CCDC91: variants seen among roughly 807,000 people sequenced by gnomAD.
CCDC91 encodes coiled-coil domain containing 91.
Under a neutral mutation model 63.2 loss-of-function variants are expected in CCDC91, and 48 were observed. The observed-to-expected ratio is 0.76, with a 90% CI of 0.60 to 0.97. The LOEUF (loss-of-function observed/expected upper bound fraction) is 0.97. CCDC91 is among the 50% of genes least tolerant of loss of function. CCDC91 has a pLI of 0.00. For missense variants in CCDC91, 500 were observed against 494.6 expected (o/e 1.01, Z -0.10); for synonymous variants, 167 against 165.8 (o/e 1.01, Z -0.06).
chr12:28,194,749 C>T (rs1941597028), intron 1 of CCDC91, among the ~76,000 whole-genome samples: 1 of 151,722 alleles, frequency 6.6e-6, no homozygotes, highest in Non-Finnish European at 1.5e-5. Context: ...TTGTTTGTTC[C>T]TCCCAGTGGG....
At position 28,445,532 on chromosome 12, in the gene CCDC91, G is replaced by C. The variant is rs145490192; in HGVS notation, c.763-4629G>C. On this transcript the variant is annotated intron_variant, in intron 8 of 12. Transcript: ENST00000536442. ...TCCTGCAAAACCCTAGAAAGCTGTGGGAAATACAAGCACTAGGTGCTGTAT... is the reference window on the plus strand; with the variant it reads ...TCCTGCAAAACCCTAGAAAGCTGTGCGAAATACAAGCACTAGGTGCTGTAT... Among the ~76,000 whole-genome samples, 1,171 of 152,244 alleles carry C rather than the reference G, an allele frequency of 7.7e-3. 41 individuals are homozygous for C. The highest frequency in any genetic ancestry group is 0.056 in the Admixed American group (855 of 15,294).
chr12:28,420,081 G>GT (rs1382566509), intron 8 of CCDC91, among the ~76,000 whole-genome samples: 1 of 152,044 alleles, frequency 6.6e-6, no homozygotes, highest in Non-Finnish European at 1.5e-5. Flanking sequence ...GAAAACCACT[G>GT]TAAGATAGAT....
chr12:28,515,849 C>CA (rs1406164406), intron 12 of CCDC91, among the ~76,000 whole-genome samples: 2 of 151,830 alleles, frequency 1.3e-5, no homozygotes, highest in Admixed American at 1.3e-4. Flanking sequence ...GGCCAAGAAG[C>CA]AGAATATTAC....
chr12:28,360,891 T>G (rs1465073568), intron 6 of CCDC91, among the ~76,000 whole-genome samples: 6 of 152,012 alleles, frequency 3.9e-5, no homozygotes, highest in Non-Finnish European at 8.8e-5. Context: ...TCTGGAGAAT[T>G]TTTTGTGTAT....
chr12:28,221,111 C>T (rs774861076), intron 1 of CCDC91, among the ~76,000 whole-genome samples: 32 of 152,104 alleles, frequency 2.1e-4, no homozygotes, highest in Non-Finnish European at 3.7e-4. Context: ...TTTTTCCTCT[C>T]TGTACTTTAT....
At chr12:28,518,027 A>G (rs540566754) in intron 12 of CCDC91, among the ~76,000 whole-genome samples, 1 of 151,950 alleles carries the variant, frequency 6.6e-6, no homozygotes, top group South Asian at 2.1e-4. Context: ...TTCTTTATCT[A>G]CTCATTGATT....
intron 1 of CCDC91, among the ~76,000 whole-genome samples, chr12:28,195,966 G>T (rs867984227): frequency 6.6e-6 from 1 of 152,260 alleles, no homozygotes; most frequent in South Asian, 2.1e-4. Context: ...TTAGCTGGGT[G>T]TGTTGCCATG....
chr12:28,426,609 G>C (rs1199442556), intron 8 of CCDC91, among the ~76,000 whole-genome samples: 1 of 152,022 alleles, frequency 6.6e-6, no homozygotes, highest in African/African-American at 2.4e-5. Context: ...CTACTGATGA[G>C]CCCATCAAAG....
chr12:28,426,119 C>G (rs905730892), intron 8 of CCDC91, among the ~76,000 whole-genome samples: 1 of 152,166 alleles, frequency 6.6e-6, no homozygotes, highest in Non-Finnish European at 1.5e-5. Flanking sequence ...TCTCTCAACA[C>G]TAAATATGTC....
chr12:28,375,409 T>C (rs16932792), intron 7 of CCDC91, among the ~76,000 whole-genome samples: 2,541 of 152,006 alleles, frequency 0.017, 26 homozygotes, highest in South Asian at 0.03. Context: ...CTTAGAAATA[T>C]CCACTTCGGA....
chr12:28,482,433 C>T (rs1047221798), intron 11 of CCDC91, among the ~76,000 whole-genome samples: 3 of 151,746 alleles, frequency 2.0e-5, no homozygotes, highest in Non-Finnish European at 4.4e-5. Flanking sequence ...CAAAGACTTT[C>T]AGAATTTTCA....
At chr12:28,378,163 T>A (rs1945064418) in intron 7 of CCDC91, among the ~76,000 whole-genome samples, 1 of 152,088 alleles carries the variant, frequency 6.6e-6, no homozygotes, top group Non-Finnish European at 1.5e-5. Context: ...ATGAAAATTC[T>A]CAGTATACTA....
chr12:28,252,001 T>C (rs1256711917), intron 1 of CCDC91, among the ~76,000 whole-genome samples: 1 of 152,184 alleles, frequency 6.6e-6, no homozygotes. Context: ...TTTGAGACTT[T>C]ACAGGTGTGA....
At chr12:28,254,483 A>T (rs1946313809) in intron 1 of CCDC91, among the ~76,000 whole-genome samples, 1 of 152,190 alleles carries the variant, frequency 6.6e-6, no homozygotes, top group African/African-American at 2.4e-5. Context: ...AATGTATTGG[A>T]GTAGCTAAAT....
chr12:28,214,052 C>T (rs1667506154), intron 1 of CCDC91, among the ~76,000 whole-genome samples: 1 of 152,104 alleles, frequency 6.6e-6, no homozygotes, highest in South Asian at 2.1e-4. Context: ...TAGTGACTTG[C>T]TAGCAAAATT....
chr12:28,369,262 C>G (rs991519070), intron 7 of CCDC91, among the ~76,000 whole-genome samples: 6 of 152,092 alleles, frequency 3.9e-5, no homozygotes, highest in African/African-American at 1.4e-4. Flanking sequence ...GTAAATGCTC[C>G]CATTCAAAAT....
At chr12:28,243,022 G>A (rs1360759596) in intron 1 of CCDC91, among the ~76,000 whole-genome samples, 1 of 150,416 alleles carries the variant, frequency 6.6e-6, no homozygotes, top group Non-Finnish European at 1.5e-5. Flanking sequence ...GTACAATCCT[G>A]TACAACCTGC....
At chr12:28,215,623 G>T (rs1483983656) in intron 1 of CCDC91, among the ~76,000 whole-genome samples, 2 of 151,954 alleles carry the variant, frequency 1.3e-5, no homozygotes, top group South Asian at 4.2e-4. Context: ...GGCAACTTAA[G>T]AAATAAATGA....
chr12:28,280,572 A>G (rs1948539002), intron 3 of CCDC91, among the ~76,000 whole-genome samples: 3 of 152,136 alleles, frequency 2.0e-5, no homozygotes, highest in Admixed American at 1.3e-4. Flanking sequence ...GTGATGGATT[A>G]GATCTTGGAT....
Sources: gnomAD v4.1 joint callset for allele counts (sites outside exome capture counted in the v4.1 genomes callset) on GRCh38, gnomAD v4.1.1 for gene constraint, MANE v1.5 for transcripts, NCBI Gene and HGNC (gene_info 2026-07-23, HGNC 2026-07-21) for gene names.